Variants in TLN2 observed in about 807,000 individuals in gnomAD.
TLN2 encodes the protein talin-2.
Under a neutral mutation model 294.7 loss-of-function variants are expected in TLN2, and 118 were observed. That is an observed-to-expected ratio of 0.40 (90% confidence interval 0.34 to 0.47). The LOEUF (loss-of-function observed/expected upper bound fraction) is 0.47. TLN2 is among the 20% of genes least tolerant of loss of function. The pLI is 0.84. For missense variants in TLN2, 3,083 were observed against 3,282.2 expected (o/e 0.94, Z 1.48); for synonymous variants, 1,431 against 1,304.5 (o/e 1.10, Z -2.09).
intron 1 of TLN2, among the ~76,000 whole-genome samples, chr15:62,535,891 C>G (rs1382228267): frequency 1.3e-5 from 2 of 152,166 alleles, no homozygotes; most frequent in East Asian, 3.8e-4. Context: ...CATACAATAA[C>G]TCTTATGTGT....
intron 1 of TLN2, among the ~76,000 whole-genome samples, chr15:62,550,685 G>A (rs185684236): frequency 4.9e-4 from 74 of 152,244 alleles, no homozygotes; most frequent in African/African-American, 1.6e-3. Flanking sequence ...TTAAGACTTT[G>A]CAGGACATTT....
At position 62,753,753 on chromosome 15, in the gene TLN2, T is replaced by G; in HGVS notation, c.4333-20T>G. Reference sequence around the variant, plus strand: ...TAGGAGCACGGAGCCTGAGCTGTGGTTTTTCTCTTCCCTTTCTAGGCTGCA... The same window carrying G: ...TAGGAGCACGGAGCCTGAGCTGTGGGTTTTCTCTTCCCTTTCTAGGCTGCA... On this transcript the variant is annotated intron_variant, in intron 35 of 58. Transcript: ENST00000636159. The G allele has an allele frequency of 6.3e-7, 1 of 1,588,878 alleles. No homozygotes were observed. Among genetic ancestry groups the G allele is most frequent in the South Asian group, 1.1e-5 (1 of 87,824 alleles).
At chr15:62,779,703 T>G (rs898924936) in intron 43 of TLN2, among the ~76,000 whole-genome samples, 5 of 152,272 alleles carry the variant, frequency 3.3e-5, no homozygotes, top group African/African-American at 1.2e-4. Flanking sequence ...TCAGTCAGTT[T>G]ACAGCAAGTG....
At chr15:62,467,420 T>A (rs1051591146) in intron 1 of TLN2, among the ~76,000 whole-genome samples, 1 of 152,222 alleles carries the variant, frequency 6.6e-6, no homozygotes, top group Non-Finnish European at 1.5e-5. Flanking sequence ...AGGCCGGCTG[T>A]GGTGGCTCAC....
At chr15:62,718,770 T>C (rs1030643852) in intron 24 of TLN2, among the ~76,000 whole-genome samples, 1 of 152,154 alleles carries the variant, frequency 6.6e-6, no homozygotes, top group Non-Finnish European at 1.5e-5. Flanking sequence ...TCAGGAAGCA[T>C]GTGCTGCTCA....
chr15:62,640,151 G>A (rs2050852727), intron 3 of TLN2: 1 of 455,324 alleles, frequency 2.2e-6, no homozygotes, highest in East Asian at 6.9e-5. Flanking sequence ...GTGCATGGTG[G>A]GTTCTTACCT....
chr15:62,697,995 TC>T, intron 15 of TLN2, 127 bp downstream of exon 15: 2 of 1,218,716 alleles, frequency 1.6e-6, no homozygotes, highest in Non-Finnish European at 2.2e-6. Flanking sequence ...CATGCCTCGT[TC>T]AGCTGTGCAT....
chr15:62,566,534 G>C (rs1225289698), intron 1 of TLN2, among the ~76,000 whole-genome samples: 3 of 151,984 alleles, frequency 2.0e-5, no homozygotes, highest in Non-Finnish European at 1.5e-5. Context: ...GGATGACCAG[G>C]CTTAGGAGGG....
intron 1 of TLN2, among the ~76,000 whole-genome samples, chr15:62,417,170 C>A (rs1004688681): frequency 6.6e-6 from 1 of 152,188 alleles, no homozygotes; most frequent in Non-Finnish European, 1.5e-5. Context: ...AATTCTGCAT[C>A]TGATAGTTGT....
chr15:62,714,580 A>C (rs973376126), intron 22 of TLN2, among the ~76,000 whole-genome samples: 1 of 152,220 alleles, frequency 6.6e-6, no homozygotes, highest in Middle Eastern at 3.4e-3. Context: ...GTTTCTTCTA[A>C]GTATTCATGT....
chr15:62,466,474 C>T (rs932739154), intron 1 of TLN2, among the ~76,000 whole-genome samples: 18 of 152,234 alleles, frequency 1.2e-4, no homozygotes, highest in African/African-American at 3.9e-4. Flanking sequence ...AGCATCCCCA[C>T]CCCCTTTCAG....
At chr15:62,509,822 C>T (rs766688087) in intron 1 of TLN2, among the ~76,000 whole-genome samples, 2 of 152,202 alleles carry the variant, frequency 1.3e-5, no homozygotes, top group Non-Finnish European at 2.9e-5. Context: ...TCCCTCCCTC[C>T]GCTCTGCCTC....
intron 35 of TLN2, among the ~76,000 whole-genome samples, chr15:62,752,947 A>T (rs1567529644): frequency 6.6e-6 from 1 of 152,202 alleles, no homozygotes; most frequent in Admixed American, 6.5e-5. Flanking sequence ...TCTACTTTAA[A>T]GCGTTCATCA....
chr15:62,605,257 G>T (rs1156770352), intron 2 of TLN2, among the ~76,000 whole-genome samples: 1 of 152,110 alleles, frequency 6.6e-6, no homozygotes, highest in Non-Finnish European at 1.5e-5. Flanking sequence ...AAATATCCTA[G>T]CCTAAATGCT....
chr15:62,697,843 T>G lies in TLN2; in HGVS notation c.1448T>G (p.Met483Arg). The G allele has an allele frequency of 1.2e-6, 2 of 1,612,706 alleles. No individual in the cohort carries two copies. Among genetic ancestry groups the G allele is most frequent in the East Asian group, 2.2e-5 (1 of 44,858 alleles). ...SPQQQVMVGQ[M>R]HRGHMPPLTS... Reference sequence around the variant, plus strand: ...CAGCAGCAGGTCATGGTTGGGCAGATGCACCGAGGCCACATGCCGCCACTG... The same window carrying G: ...CAGCAGCAGGTCATGGTTGGGCAGAGGCACCGAGGCCACATGCCGCCACTG... Residue 483 changes from methionine to arginine, a missense_variant, in exon 15 of 59, where the codon ATG (methionine) becomes AGG (arginine). Met to Arg is a moderately conservative substitution (Grantham distance 91, BLOSUM62 -1). Transcript: ENST00000636159.
At chr15:62,597,926 TGTG>T (rs1596298660) in intron 2 of TLN2, among the ~76,000 whole-genome samples, 1 of 152,230 alleles carries the variant, frequency 6.6e-6, no homozygotes, top group African/African-American at 2.4e-5. Context: ...ATTTTCCACT[TGTG>T]GTGTCTTGGC....
intron 1 of TLN2, among the ~76,000 whole-genome samples, chr15:62,502,057 G>A (rs2456462): frequency 0.16 from 24,266 of 152,134 alleles, 2,533 homozygotes; most frequent in East Asian, 0.53. Context: ...GGCCTTATAG[G>A]AGAACTAGTC....
intron 48 of TLN2, among the ~76,000 whole-genome samples, chr15:62,799,263 G>A (rs555537180): frequency 2.6e-5 from 4 of 152,308 alleles, no homozygotes; most frequent in African/African-American, 9.6e-5. Context: ...AGGCAGTGGC[G>A]AGGAGTAAAT....
intron 52 of TLN2, among the ~76,000 whole-genome samples, chr15:62,812,644 G>C (rs1214756102): frequency 6.6e-6 from 1 of 152,204 alleles, no homozygotes; most frequent in African/African-American, 2.4e-5. Context: ...TTCCCTGACT[G>C]CATGCCGACT....
Sources: allele counts gnomAD v4.1 joint callset (sites outside exome capture counted in the v4.1 genomes callset), GRCh38; gene constraint gnomAD v4.1.1; transcripts MANE v1.5; gene names NCBI Gene and HGNC (gene_info 2026-07-23, HGNC 2026-07-21).